The following PIK3C2B variants were observed in gnomAD, a reference collection of about 807,000 sequenced individuals.
PIK3C2B encodes phosphatidylinositol 4-phosphate 3-kinase C2 domain-containing subunit beta.
A neutral mutation model predicts 184.3 loss-of-function variants in PIK3C2B; 83 were observed. The ratio of observed to expected loss-of-function variants is 0.45; its 90% CI spans 0.38 to 0.54. PIK3C2B has a LOEUF of 0.54. Ranked by LOEUF, PIK3C2B falls within the 20% of genes least tolerant of loss-of-function variation. The pLI is 0.00. For missense variants in PIK3C2B, 1,736 were observed against 2,113.5 expected (o/e 0.82, Z 3.50); for synonymous variants, 779 against 837.6 (o/e 0.93, Z 1.21).
intron 5 of PIK3C2B, among the ~76,000 whole-genome samples, chr1:204,460,996 A>T (rs1007663958): frequency 6.6e-6 from 1 of 152,140 alleles, no homozygotes; most frequent in Non-Finnish European, 1.5e-5. Flanking sequence ...CATCACAGGG[A>T]GCAGTTGCTG....
At chr1:204,453,652 C>T (rs1477020436) in intron 12 of PIK3C2B, among the ~76,000 whole-genome samples, 1 of 152,190 alleles carries the variant, frequency 6.6e-6, no homozygotes, top group African/African-American at 2.4e-5. Context: ...GCACAGTCTC[C>T]TCTCCATAGT....
chr1:204,469,918 C>T lies in PIK3C2B; in HGVS notation c.-84-32G>A, dbSNP rs1656163155. 9.3e-6 allele frequency: 6 copies of T among 646,092 alleles called. No homozygotes were observed. The Admixed American group carries it at 1.7e-4, about 18-fold the overall frequency. 40.0% of individuals were successfully genotyped at this position (646,092 alleles called of 1,614,324 possible). On this transcript the variant is annotated intron_variant, in intron 1 of 32. Coordinates refer to ENST00000684373, the MANE Select transcript of PIK3C2B (RefSeq NM_001377334.1). ...GTGAGGGGTAAAAATATCAATCAGT[C>T]ACAAAGAGAGATTTACTAATCATCC...
At chr1:204,440,734 T>C (rs1053426071) in intron 21 of PIK3C2B, among the ~76,000 whole-genome samples, 9 of 149,928 alleles carry the variant, frequency 6.0e-5, no homozygotes, top group Non-Finnish European at 1.3e-4. Flanking sequence ...GTAGCTGGAA[T>C]TACAGGTGCC....
chr1:204,468,446 T>C (rs182503376), intron 2 of PIK3C2B, among the ~76,000 whole-genome samples: 1 of 152,314 alleles, frequency 6.6e-6, no homozygotes, highest in Non-Finnish European at 1.5e-5. Context: ...CTATTGTGAA[T>C]GATCTTCATC....
At chr1:204,430,083 G>T in intron 28 of PIK3C2B, 45 bp from the exon 29 acceptor site, 1 of 1,266,034 alleles carries the variant, frequency 7.9e-7, no homozygotes, top group South Asian at 1.2e-5. Flanking sequence ...GGTGAAGATG[G>T]GGAAAGAAAA....
rs767025111 is a variant in PIK3C2B, at chr1:204,424,893, C to A, written c.4864G>T (p.Gly1622Cys). 2 of 1,614,184 alleles carry A rather than the reference C, an allele frequency of 1.2e-6. No homozygotes were observed. The highest frequency in any genetic ancestry group is 1.7e-6 in the Non-Finnish European group (2 of 1,180,018). The change falls in exon 33 of 33, where the codon GGC (glycine) becomes TGC (cysteine). Residue 1622 changes from glycine (G) to cysteine (C), a missense_variant. Gly to Cys is a radical substitution (Grantham distance 159, BLOSUM62 -3). Transcript: ENST00000684373. ...CTTCGAGATCCCAGGGCGAACCAGCCGGTCTTCTCCTGAGCCAGGTCCAGC... is the reference window on the plus strand; with the variant it reads ...CTTCGAGATCCCAGGGCGAACCAGCAGGTCTTCTCCTGAGCCAGGTCCAGC... ...RELDLAQEKT[G>C]WFALGSRSHG... is the part of the protein sequence containing the mutation.
At position 204,433,550 on chromosome 1, in the gene PIK3C2B, A is replaced by T. The variant is rs909632685; in HGVS notation, c.3844-125T>A. The T allele has an allele frequency of 1.1e-5, 8 of 732,018 alleles. No individual in the cohort carries two copies. The African/African-American group carries it at 1.4e-4, about 13-fold the overall frequency. 45.3% of individuals were successfully genotyped at this position (732,018 alleles called of 1,614,324 possible). A position where few individuals can be genotyped will look rare whatever the true frequency, so the allele number is the denominator to read the frequency against. On this transcript the variant is annotated intron_variant, in intron 25 of 32. Transcript: ENST00000684373. The surrounding 1 kb of genome is among the most constrained non-coding windows in gnomAD (Gnocchi z 5.0). ...AACCCTTCTAGAGGGTGGTAGACAGATGCTGTGGGCAGTGGCTGGAGGGCC... is the reference window on the plus strand; with the variant it reads ...AACCCTTCTAGAGGGTGGTAGACAGTTGCTGTGGGCAGTGGCTGGAGGGCC...
chr1:204,437,151 GCTAT>G (rs1398803748), intron 23 of PIK3C2B, among the ~76,000 whole-genome samples: 2 of 151,966 alleles, frequency 1.3e-5, no homozygotes, highest in African/African-American at 4.8e-5. Context: ...TGTGTGCAAT[GCTAT>G]CTGTTAGGAT....
Position 204,469,555 on chromosome 1 carries a change from CCG to C in PIK3C2B, c.246_247del (p.Gly83SerfsTer5). ...AAGGGTAGGATCAGAGCCAGAGAGACCGCGTAACAGCTTGAGGTCGGTCCGCC... is the reference window on the plus strand; with the variant it reads ...AAGGGTAGGATCAGAGCCAGAGAGACCGTAACAGCTTGAGGTCGGTCCGCC... On this transcript the variant is annotated frameshift_variant, in exon 2 of 33. Transcript: ENST00000684373. LOFTEE classifies it high-confidence loss of function. The C allele has an allele frequency of 6.3e-7, 1 of 1,594,962 alleles. No individual in the cohort carries two copies. The highest frequency in any genetic ancestry group is 8.5e-7 in the Non-Finnish European group (1 of 1,170,348).
intron 26 of PIK3C2B, among the ~76,000 whole-genome samples, chr1:204,432,679 C>G (rs555885871): frequency 2.0e-5 from 3 of 152,332 alleles, no homozygotes; most frequent in East Asian, 3.9e-4. Context: ...CTCACTCTCT[C>G]TGTGTAAATG....
intron 5 of PIK3C2B, among the ~76,000 whole-genome samples, chr1:204,463,136 T>C (rs1655468377): frequency 6.6e-6 from 1 of 152,014 alleles, no homozygotes; most frequent in Non-Finnish European, 1.5e-5. Flanking sequence ...AGATCAACCA[T>C]CCTTGCATCT....
At chr1:204,443,990 C>T (rs1572315587) in intron 18 of PIK3C2B, 78 bp downstream of exon 18, 10 of 1,008,530 alleles carry the variant, frequency 9.9e-6, no homozygotes, top group South Asian at 6.5e-5. Context: ...CAGTTCCTTG[C>T]CCTTGCGTGC....
At chr1:204,482,397 T>C (rs974774347) in intron 1 of PIK3C2B, among the ~76,000 whole-genome samples, 3 of 152,178 alleles carry the variant, frequency 2.0e-5, no homozygotes, top group African/African-American at 7.2e-5. Context: ...GATATCCTGC[T>C]CCAGGGTCAG....
intron 9 of PIK3C2B, 114 bp downstream of exon 9, chr1:204,457,614 G>T: frequency 1.0e-6 from 1 of 975,240 alleles, no homozygotes; most frequent in Non-Finnish European, 1.5e-6. Flanking sequence ...GATGGAGGTG[G>T]AGAGAAGCCC....
intron 23 of PIK3C2B, among the ~76,000 whole-genome samples, chr1:204,437,497 AAACAAC>A (rs112930300): frequency 6.6e-6 from 1 of 150,498 alleles, no homozygotes; most frequent in Non-Finnish European, 1.5e-5. Context: ...CTCTGTCTCA[AAACAAC>A]AACAACAACA....
At chr1:204,426,692 C>T (rs531231213) in intron 31 of PIK3C2B, among the ~76,000 whole-genome samples, 1 of 152,290 alleles carries the variant, frequency 6.6e-6, no homozygotes, top group African/African-American at 2.4e-5. Flanking sequence ...TCCCCCATAC[C>T]CAGAGCTAAT....
chr1:204,429,876 T>C, intron 29 of PIK3C2B, 45 bp downstream of exon 29: 1 of 1,291,186 alleles, frequency 7.7e-7, no homozygotes, highest in Non-Finnish European at 1.1e-6. Context: ...TCCCCAACCA[T>C]CCCCACCAGC....
chr1:204,449,352 C>A (rs1654157708), intron 13 of PIK3C2B, 56 bp from the exon 14 acceptor site: 1 of 1,285,344 alleles, frequency 7.8e-7, no homozygotes, highest in Non-Finnish European at 1.1e-6. Context: ...GAGAATATTT[C>A]TACTGCTCCC....
At chr1:204,439,200 T>C (rs1675512311) in intron 22 of PIK3C2B, 129 bp from the exon 23 acceptor site, 4 of 851,764 alleles carry the variant, frequency 4.7e-6, no homozygotes, top group Non-Finnish European at 7.1e-6. Context: ...AGTCTGATAA[T>C]AACAGGAAGA....
Sources: gnomAD v4.1 joint callset for allele counts (sites outside exome capture counted in the v4.1 genomes callset) on GRCh38, gnomAD v4.1.1 for gene constraint, Gnocchi (gnomAD v3.1) non-coding constraint, MANE v1.5 for transcripts, NCBI Gene and HGNC (gene_info 2026-07-23, HGNC 2026-07-21) for gene names.